Variants in PTPRT observed in about 807,000 individuals in gnomAD.
PTPRT encodes receptor-type tyrosine-protein phosphatase T.
A neutral mutation model predicts 176.8 loss-of-function variants in PTPRT; 56 were observed. The ratio of observed to expected loss-of-function variants is 0.32; its 90% CI spans 0.26 to 0.40. The LOEUF is 0.40. PTPRT is among the 10% of genes least tolerant of loss of function. The pLI, the probability that PTPRT is intolerant of heterozygous loss-of-function variation, is 1.00. For missense variants in PTPRT, 1,540 were observed against 1,908.2 expected (o/e 0.81, Z 3.60); for synonymous variants, 783 against 739.0 (o/e 1.06, Z -0.96).
At chr20:42,526,956 C>CTTTTTTTTTTTTT (rs915511549) in intron 7 of PTPRT, among the ~76,000 whole-genome samples, 4 of 78,714 alleles carry the variant, frequency 5.1e-5, no homozygotes, top group Non-Finnish European at 9.3e-5. Context: ...GTTCTTTTTT[C>CTTTTTTTTTTTTT]TTTTTTTTTT....
intron 1 of PTPRT, among the ~76,000 whole-genome samples, chr20:43,041,104 T>C (rs977498849): frequency 2.0e-5 from 3 of 152,170 alleles, no homozygotes; most frequent in Admixed American, 6.5e-5. Flanking sequence ...GATTCTAATA[T>C]AGCTAAAGTT....
intron 13 of PTPRT, among the ~76,000 whole-genome samples, chr20:42,273,604 T>C (rs1269103099): frequency 6.6e-6 from 1 of 152,222 alleles, no homozygotes; most frequent in Non-Finnish European, 1.5e-5. Context: ...TCAAAGACCA[T>C]CCAAATCTAA....
chr20:42,481,169 C>T (rs906730740), intron 7 of PTPRT, among the ~76,000 whole-genome samples: 8 of 152,004 alleles, frequency 5.3e-5, no homozygotes, highest in Non-Finnish European at 8.8e-5. Context: ...ATAGGTGTGG[C>T]TGAGTTTCAA....
chr20:42,448,837 CACGAACG>C (rs760407896), intron 8 of PTPRT, among the ~76,000 whole-genome samples: 5 of 149,140 alleles, frequency 3.4e-5, no homozygotes, highest in Non-Finnish European at 4.4e-5. Context: ...AATACACTAA[CACGAACG>C]ATAGTTCATG....
chr20:42,783,841 C>G (rs889482057), intron 3 of PTPRT, among the ~76,000 whole-genome samples: 4 of 152,098 alleles, frequency 2.6e-5, no homozygotes, highest in African/African-American at 9.7e-5. Context: ...GCAGTGTTTT[C>G]CTCCTGTCTT....
chr20:42,949,640 T>C (rs1389815556), intron 1 of PTPRT, among the ~76,000 whole-genome samples: 2 of 152,230 alleles, frequency 1.3e-5, no homozygotes, highest in Non-Finnish European at 2.9e-5. Flanking sequence ...ACTTTTCCAA[T>C]GTGCCTGCTC....
At chr20:42,939,708 T>C (rs560239622) in intron 1 of PTPRT, among the ~76,000 whole-genome samples, 2 of 152,298 alleles carry the variant, frequency 1.3e-5, no homozygotes, top group South Asian at 2.1e-4. Flanking sequence ...AAAGGGCTTA[T>C]ATTTTAGTAA....
intron 9 of PTPRT, among the ~76,000 whole-genome samples, chr20:42,407,941 C>T (rs2058977245): frequency 6.6e-6 from 1 of 151,990 alleles, no homozygotes; most frequent in Admixed American, 6.6e-5. Flanking sequence ...GGGAATGGTT[C>T]TAAACTTAAA....
intron 11 of PTPRT, among the ~76,000 whole-genome samples, chr20:42,323,355 C>T (rs6102773): frequency 0.34 from 51,799 of 151,636 alleles, 10,107 homozygotes; most frequent in African/African-American, 0.55. Context: ...GACTCGGAAC[C>T]AACCCAAATG....
intron 18 of PTPRT, among the ~76,000 whole-genome samples, chr20:42,131,221 G>T (rs954889400): frequency 1.3e-5 from 2 of 152,286 alleles, no homozygotes; most frequent in Middle Eastern, 3.4e-3. Flanking sequence ...CTTCCTGGGG[G>T]ACAGCCCATC....
At chr20:42,620,589 C>G (rs533846164) in intron 7 of PTPRT, among the ~76,000 whole-genome samples, 1 of 151,962 alleles carries the variant, frequency 6.6e-6, no homozygotes, top group African/African-American at 2.4e-5. Context: ...TAGCAGTCAG[C>G]GAGATTCCGT....
In PTPRT at chr20:43,027,495, C is replaced by T. The variant is rs531965984; in HGVS notation, c.89-141563G>A. On this transcript the variant is annotated intron_variant, in intron 1 of 30. Transcript: ENST00000373187. ...CACCTCAAAAAAAAAAAAAATTAGA[C>T]AGGGTGGGCTTTAATTCAATCTGAC... Among the ~76,000 whole-genome samples the T allele has an allele frequency of 1.7e-3, 245 of 146,662 alleles. 1 individual carries two copies. The Middle Eastern group carries it at 0.028, about 17-fold the overall frequency.
intron 15 of PTPRT, among the ~76,000 whole-genome samples, chr20:42,212,717 T>C (rs2055673882): frequency 6.6e-6 from 1 of 152,202 alleles, no homozygotes; most frequent in African/African-American, 2.4e-5. Context: ...ATGTTGCTGG[T>C]AAACCACTTT....
chr20:42,667,498 G>A (rs183747344), intron 7 of PTPRT, among the ~76,000 whole-genome samples: 222 of 152,304 alleles, frequency 1.5e-3, no homozygotes, highest in Admixed American at 2.4e-3. Context: ...CTGTAAGAGT[G>A]ATTGAACTCT....
chr20:42,273,767 T>A (rs2056980619), intron 13 of PTPRT, among the ~76,000 whole-genome samples: 1 of 152,266 alleles, frequency 6.6e-6, no homozygotes, highest in South Asian at 2.1e-4. Flanking sequence ...TACATACATT[T>A]CTAAATTTTA....
At chr20:42,194,113 T>A (rs1045306737) in intron 16 of PTPRT, among the ~76,000 whole-genome samples, 1 of 152,172 alleles carries the variant, frequency 6.6e-6, no homozygotes, top group African/African-American at 2.4e-5. Flanking sequence ...AGTGGAGCGT[T>A]TTGCAGAAAG....
At chr20:43,120,733 G>A (rs2013228868) in intron 1 of PTPRT, among the ~76,000 whole-genome samples, 1 of 152,180 alleles carries the variant, frequency 6.6e-6, no homozygotes, top group Admixed American at 6.5e-5. Context: ...GAAAACGACT[G>A]ACATATTCTT....
chr20:42,681,115 G>A (rs1175039007), intron 6 of PTPRT, among the ~76,000 whole-genome samples: 1 of 152,204 alleles, frequency 6.6e-6, no homozygotes, highest in Non-Finnish European at 1.5e-5. Context: ...CAAAAATATA[G>A]CACAGAATGT....
intron 1 of PTPRT, among the ~76,000 whole-genome samples, chr20:43,178,707 G>T (rs1048361478): frequency 2.6e-5 from 4 of 152,164 alleles, no homozygotes; most frequent in Non-Finnish European, 5.9e-5. Flanking sequence ...ACAGGCAGCA[G>T]CCCTGACCTA....
Sources: gnomAD v4.1 joint callset for allele counts (sites outside exome capture counted in the v4.1 genomes callset) on GRCh38, gnomAD v4.1.1 for gene constraint, MANE v1.5 for transcripts, NCBI Gene and HGNC (gene_info 2026-07-23, HGNC 2026-07-21) for gene names.